CREB5: variants seen among roughly 807,000 people sequenced by gnomAD.
The protein encoded by CREB5 is cyclic AMP-responsive element-binding protein 5.
CREB5 carries 19 observed loss-of-function variants against 57.1 expected under a neutral mutation model. The observed-to-expected ratio is 0.33, with a 90% confidence interval of 0.23 to 0.49. The LOEUF is 0.49. Among genes scored for constraint, CREB5 ranks in the 20% least tolerant of loss-of-function variants. The pLI is 0.99. For synonymous variants in CREB5, 238 were observed against 238.3 expected (o/e 1.00, Z 0.01); for missense variants, 579 against 671.6 (o/e 0.86, Z 1.52).
At chr7:28,783,601 T>A (rs1807124010) in intron 7 of CREB5, among the ~76,000 whole-genome samples, 1 of 152,222 alleles carries the variant, frequency 6.6e-6, no homozygotes, top group Non-Finnish European at 1.5e-5. Context: ...CTTTTCTTTC[T>A]TCTTTTCTAC....
intron 8 of CREB5, among the ~76,000 whole-genome samples, chr7:28,805,505 C>G (rs1808666211): frequency 6.6e-6 from 1 of 152,146 alleles, no homozygotes; most frequent in South Asian, 2.1e-4. Flanking sequence ...TCACTGTCTC[C>G]TCTGTCATCT....
At chr7:28,792,973 C>G (rs748265686) in intron 7 of CREB5, among the ~76,000 whole-genome samples, 1 of 152,174 alleles carries the variant, frequency 6.6e-6, no homozygotes, top group South Asian at 2.1e-4. Context: ...GATGGTAGAA[C>G]TGTCACAGCA....
At chr7:28,568,702 G>A (rs146628809) in intron 4 of CREB5, among the ~76,000 whole-genome samples, 1 of 152,288 alleles carries the variant, frequency 6.6e-6, no homozygotes, top group Admixed American at 6.5e-5. Flanking sequence ...CAACGACACA[G>A]TAGGCTCACA....
At position 28,328,445 on chromosome 7, in the gene CREB5, C is replaced by T. The variant is rs561197077; in HGVS notation, c.-25+29004C>T. ...GTATCTTTGGCAAGAGAAAAGCCTT[C>T]AAACAAGGTGTGTGAATGAATGACT... On this transcript the variant is annotated intron_variant, in intron 1 of 9. Coordinates refer to the CREB5 transcript ENST00000396299. Among the ~76,000 whole-genome samples, 12 of 152,272 alleles carry T rather than the reference C, an allele frequency of 7.9e-5. No individual in the cohort carries two copies. In the East Asian group the frequency reaches 2.3e-3, roughly 29 times the overall value.
intron 1 of CREB5, among the ~76,000 whole-genome samples, chr7:28,321,995 T>A (rs1785502645): frequency 6.6e-6 from 1 of 152,202 alleles, no homozygotes; most frequent in African/African-American, 2.4e-5. Flanking sequence ...TATTATCAGT[T>A]TTAGTGAGAC....
At chr7:28,795,898 C>T (rs1475835961) in intron 7 of CREB5, among the ~76,000 whole-genome samples, 2 of 151,852 alleles carry the variant, frequency 1.3e-5, no homozygotes, top group East Asian at 2.0e-4. Flanking sequence ...GGATTATGGG[C>T]GCTTGCCACC....
intron 4 of CREB5, among the ~76,000 whole-genome samples, chr7:28,563,086 T>G (rs1046729728): frequency 3.3e-5 from 5 of 152,192 alleles, no homozygotes; most frequent in Non-Finnish European, 1.5e-5. Flanking sequence ...TAACCATATA[T>G]CTACCTTCTA....
At chr7:28,744,873 G>A (rs1261720381) in intron 7 of CREB5, among the ~76,000 whole-genome samples, 1 of 152,218 alleles carries the variant, frequency 6.6e-6, no homozygotes, top group Non-Finnish European at 1.5e-5. Context: ...ATTCCAGTGG[G>A]AGTTCTCTAA....
intron 5 of CREB5, among the ~76,000 whole-genome samples, chr7:28,604,347 T>C (rs1797033715): frequency 1.3e-5 from 2 of 152,228 alleles, no homozygotes; most frequent in South Asian, 4.1e-4. Context: ...TCTGCCATCA[T>C]ATACTTCTGT....
At chr7:28,684,794 A>C (rs1169946897) in intron 5 of CREB5, among the ~76,000 whole-genome samples, 1 of 152,256 alleles carries the variant, frequency 6.6e-6, no homozygotes, top group East Asian at 1.9e-4. Context: ...GTATTTAAAA[A>C]AAATTCTAGC....
intron 5 of CREB5, among the ~76,000 whole-genome samples, chr7:28,611,711 AAT>A (rs1287641999): frequency 1.3e-5 from 2 of 149,988 alleles, no homozygotes; most frequent in Non-Finnish European, 3.0e-5. Context: ...TAAATAAATA[AAT>A]AAAATATATA....
upstream of CREB5, among the ~76,000 whole-genome samples, chr7:28,410,933 C>G (rs1787763724): frequency 6.6e-6 from 1 of 152,034 alleles, no homozygotes; most frequent in African/African-American, 2.4e-5. Context: ...CCCTCCCTCT[C>G]CACCACTCCC....
At chr7:28,519,274 A>G (rs1793105316) in intron 4 of CREB5, among the ~76,000 whole-genome samples, 1 of 152,162 alleles carries the variant, frequency 6.6e-6, no homozygotes, top group Non-Finnish European at 1.5e-5. Flanking sequence ...TTTTAGGCAC[A>G]TGTATTACAA....
intron 1 of CREB5, among the ~76,000 whole-genome samples, chr7:28,348,565 T>C (rs1039835771): frequency 1.3e-5 from 2 of 152,138 alleles, no homozygotes; most frequent in Non-Finnish European, 2.9e-5. Context: ...CTAAATAAAG[T>C]CTGTGGAAAG....
rs115078788 is a variant in CREB5 at position 28,337,853 on chromosome 7, G to T, written c.-25+38412G>T. Among the ~76,000 whole-genome samples the T allele has an allele frequency of 6.3e-3, 963 of 151,902 alleles. 5 individuals are homozygous for T. Among genetic ancestry groups the T allele is most frequent in the African/African-American group, 0.022 (908 of 41,488 alleles). On this transcript the variant is annotated intron_variant, in intron 1 of 9. Transcript: ENST00000396299. ...TATGTTTCCATTTCTTGCTTTTTAT[G>T]TTTTGTGTATTCGTTGTATGTTTTT...
intron 4 of CREB5, among the ~76,000 whole-genome samples, chr7:28,559,111 A>G (rs1170445460): frequency 6.6e-6 from 1 of 152,100 alleles, no homozygotes; most frequent in African/African-American, 2.4e-5. Flanking sequence ...CACCTGCCTC[A>G]GGACTCCTTT....
intron 7 of CREB5, among the ~76,000 whole-genome samples, chr7:28,739,985 C>A (rs1256719251): frequency 2.0e-5 from 3 of 152,136 alleles, no homozygotes; most frequent in African/African-American, 4.8e-5. Flanking sequence ...ACGGAATAGT[C>A]TCCCTTCTAA....
At chr7:28,439,146 A>G (rs1046365003) in intron 1 of CREB5, among the ~76,000 whole-genome samples, 1 of 152,152 alleles carries the variant, frequency 6.6e-6, no homozygotes, top group Non-Finnish European at 1.5e-5. Context: ...TACATCCTGA[A>G]TAGACCTTAC....
chr7:28,612,543 G>GGTGTGT (rs59074697), intron 5 of CREB5, among the ~76,000 whole-genome samples: 2,251 of 137,348 alleles, frequency 0.016, 38 homozygotes, highest in East Asian at 0.022. Flanking sequence ...TTAGAGAAGG[G>GGTGTGT]GTGTGTGTGT....
Sources: gnomAD v4.1 joint callset for allele counts (sites outside exome capture counted in the v4.1 genomes callset) on GRCh38, gnomAD v4.1.1 for gene constraint, MANE v1.5 for transcripts, NCBI Gene and HGNC (gene_info 2026-07-23, HGNC 2026-07-21) for gene names.